The following CRABP1 variants were observed in gnomAD, a reference collection of about 807,000 sequenced individuals.
CRABP1 encodes the protein cellular retinoic acid binding protein 1.
A neutral mutation model predicts 16.4 loss-of-function variants in CRABP1; 9 were observed. That is an observed-to-expected ratio of 0.55 (90% CI 0.33 to 0.96). The LOEUF is 0.96. CRABP1 is among the 40% of genes least tolerant of loss of function. CRABP1 has a pLI of 0.03. For missense variants in CRABP1, 157 were observed against 186.0 expected, an observed-to-expected ratio of 0.84 and a Z score of 0.91; for synonymous variants, 72 against 70.4, an observed-to-expected ratio of 1.02 and a Z score of -0.11.
rs1048514050 is a variant in CRABP1, at chr15:78,341,341, G to A, written c.249+120G>A. On this transcript the variant is annotated intron_variant, in intron 2 of 3. Coordinates refer to ENST00000299529, the MANE Select transcript of CRABP1 (RefSeq NM_004378.3). The surrounding 1 kb of genome is among the most constrained non-coding windows in gnomAD (Gnocchi z 5.3). ...GTGGCGCGCCTTCCTTGCAGGGTGT[G>A]TACACTGGCTGTTTGCAGAGGGGGT... is the stretch of plus-strand genomic sequence containing the variant. 10 of 1,148,680 alleles carry A rather than the reference G, an allele frequency of 8.7e-6. No individual in the cohort carries two copies. Among genetic ancestry groups the A allele is most frequent in the Non-Finnish European group, 1.3e-5 (10 of 782,664 alleles). 71.2% of individuals were successfully genotyped at this position (1,148,680 alleles called of 1,614,324 possible). A position where few individuals can be genotyped will look rare whatever the true frequency, so the allele number is the denominator to read the frequency against.
At chr15:78,346,172 T>A (rs188036914) in intron 3 of CRABP1, among the ~76,000 whole-genome samples, 1 of 152,326 alleles carries the variant, frequency 6.6e-6, no homozygotes, top group Non-Finnish European at 1.5e-5. Flanking sequence ...AATCCATGGC[T>A]GTAGAACTCA....
At position 78,340,967 on chromosome 15, in the gene CRABP1, G is replaced by T. The variant is rs2141525471; in HGVS notation, c.71-76G>T. ...TTTAAGGCCCCTTTCTAAAGTTAGG[G>T]TATGACCAGTGCCCGACCGGTCCCG... is the stretch of plus-strand genomic sequence containing the variant. On this transcript the variant is annotated intron_variant, in intron 1 of 3. Coordinates refer to ENST00000299529, the MANE Select transcript of CRABP1 (RefSeq NM_004378.3). 1.8e-5 allele frequency: 26 copies of T among 1,455,858 alleles called. No homozygotes were observed. In the South Asian group the frequency reaches 3.4e-4, roughly 19 times the overall value. 90.2% of individuals were successfully genotyped at this position (1,455,858 alleles called of 1,614,324 possible). A position where few individuals can be genotyped will look rare whatever the true frequency, so the allele number is the denominator to read the frequency against.
At chr15:78,347,166 T>C (rs1250594510) in intron 3 of CRABP1, among the ~76,000 whole-genome samples, 1 of 152,134 alleles carries the variant, frequency 6.6e-6, no homozygotes, top group Non-Finnish European at 1.5e-5. Flanking sequence ...ATCTGTGCAA[T>C]GATTCGTGTC....
In CRABP1 at chr15:78,341,996, T is replaced by A. The variant is rs2141526189; in HGVS notation, c.249+775T>A. Among the ~76,000 whole-genome samples the A allele has an allele frequency of 6.6e-6, 1 of 151,290 alleles. No homozygotes were observed. Among genetic ancestry groups the A allele is most frequent in the South Asian group, 2.1e-4 (1 of 4,796 alleles). The stretch of plus-strand genomic sequence containing the variant: ...GTGACAGAATGTCTCCCTCCCCTTC[T>A]CCAATTTTTTTTTTTTAAAGAAAAA... On this transcript the variant is annotated intron_variant, in intron 2 of 3. Transcript: ENST00000299529. The surrounding 1 kb of genome is among the most constrained non-coding windows in gnomAD (Gnocchi z 5.3).
chr15:78,342,849 A>G (rs555804965), intron 2 of CRABP1, among the ~76,000 whole-genome samples: 4 of 152,280 alleles, frequency 2.6e-5, no homozygotes, highest in Non-Finnish European at 5.9e-5. Flanking sequence ...CTGTTGTCAA[A>G]TCTTGTGGTT....
intron 2 of CRABP1, 26 bp from the exon 3 acceptor site, chr15:78,343,473 G>A (rs200074049): frequency 2.5e-4 from 392 of 1,568,060 alleles, no homozygotes; most frequent in Middle Eastern, 1.3e-3. Context: ...TCTAATTAAT[G>A]TCACTAATGG....
chr15:78,347,700 G>T, intron 3 of CRABP1: 1 of 455,830 alleles, frequency 2.2e-6, no homozygotes, highest in Non-Finnish European at 3.8e-6. Context: ...ATAAGCAAAG[G>T]AAAATGGTAT....
In CRABP1 at chr15:78,348,079, T is replaced by C; in HGVS notation, c.*102T>C. The C allele has an allele frequency of 9.1e-7, 1 of 1,093,938 alleles. No homozygotes were observed. Among genetic ancestry groups the C allele is most frequent in the Non-Finnish European group, 1.4e-6 (1 of 732,594 alleles). 67.8% of individuals were successfully genotyped at this position (1,093,938 alleles called of 1,614,324 possible). A position where few individuals can be genotyped will look rare whatever the true frequency, so the allele number is the denominator to read the frequency against. ...GTGGACCGCCCTTTTCCCCTACCAA[T>C]ATTAGGTGATCCCGTTTTCCCCATG... On this transcript the variant is annotated 3_prime_UTR_variant, in exon 4 of 4. Coordinates refer to ENST00000299529, the MANE Select transcript of CRABP1 (RefSeq NM_004378.3).
In CRABP1 at chr15:78,343,353, A is replaced by G; in HGVS notation, c.250-146A>G. ...CAGCACTCTGAATTTGGACTTTATA[A>G]GGCTCAGCGGAGAAGAATCTGTGGC... On this transcript the variant is annotated intron_variant, in intron 2 of 3. Transcript: ENST00000299529. 2.6e-5 allele frequency: 17 copies of G among 650,330 alleles called. No individual in the cohort carries two copies. The South Asian group carries it at 3.3e-4, about 13-fold the overall frequency. 40.3% of individuals were successfully genotyped at this position (650,330 alleles called of 1,614,324 possible).
chr15:78,340,757 G>C (rs2050228552), intron 1 of CRABP1: 1 of 602,268 alleles, frequency 1.7e-6, no homozygotes, highest in Non-Finnish European at 2.9e-6. Context: ...TCTCGTGCTA[G>C]ATCATAGCGA....
In CRABP1 at chr15:78,341,285, C is replaced by T. The variant is rs780413880; in HGVS notation, c.249+64C>T. ...GCTCGGTGCCCATGGCCCACTGCTGCTGGAGGAACCTGTGTCTCCCTTTGC... is the reference window on the plus strand; with the variant it reads ...GCTCGGTGCCCATGGCCCACTGCTGTTGGAGGAACCTGTGTCTCCCTTTGC... On this transcript the variant is annotated intron_variant, in intron 2 of 3. Transcript: ENST00000299529. The surrounding 1 kb of genome is among the most constrained non-coding windows in gnomAD (Gnocchi z 5.3). 3.8e-5 allele frequency: 59 copies of T among 1,539,478 alleles called. 1 individual carries two copies. Among genetic ancestry groups the T allele is most frequent in the South Asian group, 3.4e-4 (29 of 84,550 alleles).
Position 78,341,218 on chromosome 15 carries a change from C to T in CRABP1, c.246C>T (p.Cys82=), listed in dbSNP as rs1473691323. 1.2e-6 allele frequency: 2 copies of T among 1,608,264 alleles called. No individual in the cohort carries two copies. Among genetic ancestry groups the T allele is most frequent in the Non-Finnish European group, 8.5e-7 (1 of 1,177,550 alleles). Residue 82 remains cysteine (C), a synonymous_variant, in exon 2 of 4, where the codon TGC becomes TGT. Coordinates refer to ENST00000299529, the MANE Select transcript of CRABP1 (RefSeq NM_004378.3). This position sits in a 1 kb window ranked among gnomAD's most constrained non-coding sequence, Gnocchi z 5.3. ...AGGAGACCGTGGACGGACGCAAGTG[C>T]AGGGTGAGGCCCCAGAGCCACTACA... The part of the protein sequence containing the change: ...FEEETVDGRK[C]RSLATWENEN...
chr15:78,340,658 C>A (rs1388494676), intron 1 of CRABP1, 160 bp downstream of exon 1: 9 of 799,820 alleles, frequency 1.1e-5, no homozygotes, highest in South Asian at 1.9e-5. Flanking sequence ...CGCACCGGGT[C>A]TCGGAGAAGC....
intron 3 of CRABP1, among the ~76,000 whole-genome samples, chr15:78,345,334 G>A (rs2050259375): frequency 6.6e-6 from 1 of 152,082 alleles, no homozygotes; most frequent in Admixed American, 6.5e-5. Flanking sequence ...GTCCTTCCCT[G>A]GTATGATTTA....
chr15:78,340,533 G>A, intron 1 of CRABP1, 35 bp downstream of exon 1: 1 of 1,594,294 alleles, frequency 6.3e-7, no homozygotes, highest in Non-Finnish European at 8.5e-7. Flanking sequence ...CCGACGGGGA[G>A]ATGCGGCCCG....
chr15:78,340,542 C>T (rs753446807), intron 1 of CRABP1, 44 bp downstream of exon 1: 3 of 1,585,398 alleles, frequency 1.9e-6, no homozygotes, highest in Non-Finnish European at 1.7e-6. Context: ...AGATGCGGCC[C>T]GGAGGTGCCC....
rs1042713775 is a variant in CRABP1 at position 78,343,520 on chromosome 15, G to C, written c.271G>C (p.Glu91Gln). ...KCRSLATWENENKIHCTQTLL... is the reference protein window; with the variant it reads ...KCRSLATWENQNKIHCTQTLL... ...GCAGAGTTTAGCCACTTGGGAGAAT[G>C]AGAACAAGATCCACTGCACGCAAAC... Residue 91 changes from glutamate to glutamine, a missense_variant, in exon 3 of 4, where the codon GAG becomes CAG. Transcript: ENST00000299529. 4 of 1,614,008 alleles carry C rather than the reference G, an allele frequency of 2.5e-6. No homozygotes were observed. The highest frequency in any genetic ancestry group is 3.4e-6 in the Non-Finnish European group (4 of 1,180,008).
intron 1 of CRABP1, 98 bp from the exon 2 acceptor site, chr15:78,340,945 A>T: frequency 2.4e-6 from 3 of 1,239,680 alleles, no homozygotes; most frequent in African/African-American, 1.5e-5. Flanking sequence ...GATCAATTTT[A>T]AGGCCCCTTT....
At chr15:78,343,654 A>T in intron 3 of CRABP1, 42 bp downstream of exon 3, 10 of 1,553,906 alleles carry the variant, frequency 6.4e-6, no homozygotes, top group Non-Finnish European at 8.0e-6. Flanking sequence ...AAGTTCCCCC[A>T]GAGGGGGCCC....
Sources: gnomAD v4.1 joint callset for allele counts (sites outside exome capture counted in the v4.1 genomes callset) on GRCh38, gnomAD v4.1.1 for gene constraint, Gnocchi (gnomAD v3.1) non-coding constraint, MANE v1.5 for transcripts, NCBI Gene and HGNC (gene_info 2026-07-23, HGNC 2026-07-21) for gene names.